CDC42SE2: variants seen among roughly 807,000 people sequenced by gnomAD.
CDC42SE2 encodes CDC42 small effector protein 2.
Under a neutral mutation model 11.5 loss-of-function variants are expected in CDC42SE2, and 3 were observed. The ratio of observed to expected loss-of-function variants is 0.26; its 90% confidence interval spans 0.12 to 0.67. The LOEUF (loss-of-function observed/expected upper bound fraction) is 0.67, where lower values mean the gene tolerates loss of function less well. CDC42SE2 is among the 30% of genes least tolerant of loss of function. The pLI is 0.80. For missense variants in CDC42SE2, 82 were observed against 106.8 expected (o/e 0.77, Z 1.02); for synonymous variants, 33 against 34.8 (o/e 0.95, Z 0.18).
chr5:131,331,408 C>T (rs535310282), intron 2 of CDC42SE2, among the ~76,000 whole-genome samples: 2 of 151,974 alleles, frequency 1.3e-5, no homozygotes, highest in African/African-American at 4.8e-5. Flanking sequence ...CTAACATTTC[C>T]CTATATTCTT....
intron 4 of CDC42SE2, 149 bp from the exon 5 acceptor site, chr5:131,390,844 A>ATTGT (rs1017629347): frequency 3.1e-5 from 13 of 423,994 alleles, no homozygotes; most frequent in East Asian, 1.6e-4. Context: ...TAACTAGAAA[A>ATTGT]TTGTTTGTCT....
chr5:131,390,911 TTCTGGGAA>T, intron 4 of CDC42SE2, 74 bp from the exon 5 acceptor site: 1 of 523,454 alleles, frequency 1.9e-6, no homozygotes, highest in Non-Finnish European at 2.7e-6. Flanking sequence ...CCAAATAAAA[TTCTGGGAA>T]AAGAATTACT....
At chr5:131,381,988 T>TCAGCC (rs1180995287) in intron 3 of CDC42SE2, among the ~76,000 whole-genome samples, 1 of 152,202 alleles carries the variant, frequency 6.6e-6, no homozygotes, top group African/African-American at 2.4e-5. Context: ...CTGAGTTCCC[T>TCAGCC]CAGCCTTGGG....
chr5:131,240,762 G>A (rs1756534002), upstream of CDC42SE2, among the ~76,000 whole-genome samples: 1 of 152,134 alleles, frequency 6.6e-6, no homozygotes, highest in African/African-American at 2.4e-5. Context: ...CCAAAGCTTA[G>A]TTCTGGAAAA....
At chr5:131,363,398 C>T (rs769000468) in intron 3 of CDC42SE2, among the ~76,000 whole-genome samples, 4 of 151,998 alleles carry the variant, frequency 2.6e-5, no homozygotes, top group Admixed American at 6.6e-5. Context: ...TGTTTTGAGA[C>T]GGAGTTTTGC....
chr5:131,338,422 A>T (rs1449466515), intron 2 of CDC42SE2, among the ~76,000 whole-genome samples: 2 of 152,210 alleles, frequency 1.3e-5, no homozygotes, highest in African/African-American at 4.8e-5. Flanking sequence ...ATGGGAATCT[A>T]GGCGGCTAGT....
At chr5:131,307,636 T>A (rs572489037) in intron 1 of CDC42SE2, among the ~76,000 whole-genome samples, 2 of 152,088 alleles carry the variant, frequency 1.3e-5, no homozygotes, top group African/African-American at 2.4e-5. Context: ...CCTGAGGAAT[T>A]GCCACACTGA....
chr5:131,246,130 G>A (rs966245968), intron 1 of CDC42SE2, among the ~76,000 whole-genome samples: 5 of 152,234 alleles, frequency 3.3e-5, no homozygotes, highest in African/African-American at 1.2e-4. Context: ...GGTTCCTTGA[G>A]GATATTATTT....
chr5:131,363,560 A>G (rs1749771660), intron 3 of CDC42SE2, among the ~76,000 whole-genome samples: 1 of 151,752 alleles, frequency 6.6e-6, no homozygotes, highest in South Asian at 2.1e-4. Flanking sequence ...TAGTTTCAGT[A>G]GAGATGGGGT....
intron 1 of CDC42SE2, among the ~76,000 whole-genome samples, chr5:131,313,470 A>T (rs572307857): frequency 6.6e-6 from 1 of 152,278 alleles, no homozygotes; most frequent in South Asian, 2.1e-4. Context: ...CAAAGATTTT[A>T]TGGAAGTTTT....
At chr5:131,349,479 T>TA (rs968928299) in intron 2 of CDC42SE2, among the ~76,000 whole-genome samples, 2 of 152,216 alleles carry the variant, frequency 1.3e-5, no homozygotes, top group African/African-American at 4.8e-5. Flanking sequence ...CACTAGTACT[T>TA]AAAGTATAAT....
chr5:131,216,518 AAAAAC>A, the CDC42SE2 span, among the ~76,000 whole-genome samples: 1 of 146,008 alleles, frequency 6.8e-6, no homozygotes, highest in African/African-American at 2.7e-5. Context: ...AAAAAAAAAA[AAAAAC>A]ATTATAGACT....
rs116072990 is a variant in CDC42SE2, at chr5:131,391,946, C to G, written c.*855C>G. The G allele has an allele frequency of 6.6e-6, 1 of 152,214 alleles. No homozygotes were observed. The highest frequency in any genetic ancestry group is 2.4e-5 in the African/African-American group (1 of 41,386). The allele number at this position is 152,214 out of a possible 1,614,324, so 9.4% of individuals were successfully genotyped here. On this transcript the variant is annotated 3_prime_UTR_variant, in exon 5 of 5. Coordinates refer to ENST00000505065, the MANE Select transcript of CDC42SE2 (RefSeq NM_001375635.1). ...TGTGATGGCACCTTGTCCACCCTGT[C>G]GTGATTATTCCAGTGAGATGTTACT...
chr5:131,388,270 C>T (rs1561439262), intron 4 of CDC42SE2, among the ~76,000 whole-genome samples: 1 of 152,218 alleles, frequency 6.6e-6, no homozygotes. Context: ...GTTGGGATTA[C>T]AGCCATGAGC....
Position 131,299,833 on chromosome 5 carries a change from G to A in CDC42SE2, c.-454-16143G>A, listed in dbSNP as rs952168738. On this transcript the variant is annotated intron_variant, in intron 1 of 4. Coordinates refer to ENST00000505065, the MANE Select transcript of CDC42SE2 (RefSeq NM_001375635.1). ...GACAAAACCCTTAAGAACTATTAAT[G>A]TAATGTTAGTTTTTGAGCCTTTGGT... Among the ~76,000 whole-genome samples the A allele has an allele frequency of 4.6e-5, 7 of 152,276 alleles. No individual in the cohort carries two copies. In the East Asian group the frequency reaches 9.7e-4, roughly 21 times the overall value.
the CDC42SE2 span, among the ~76,000 whole-genome samples, chr5:131,220,207 TTTTG>T: frequency 5.9e-5 from 9 of 152,172 alleles, no homozygotes; most frequent in South Asian, 2.1e-4. Flanking sequence ...TATCTCAGAT[TTTTG>T]TTTGTTTGTT....
chr5:131,222,579 A>G, the CDC42SE2 span, among the ~76,000 whole-genome samples: 2 of 152,238 alleles, frequency 1.3e-5, no homozygotes, highest in Non-Finnish European at 2.9e-5. Flanking sequence ...CATAAAATGA[A>G]TGGAGGTGGA....
chr5:131,322,102 G>T (rs890079829), intron 2 of CDC42SE2, among the ~76,000 whole-genome samples: 1 of 151,620 alleles, frequency 6.6e-6, no homozygotes, highest in African/African-American at 2.4e-5. Flanking sequence ...CACCTGCCTC[G>T]GGCTCCCAAA....
chr5:131,322,408 A>G (rs1382431473), intron 2 of CDC42SE2, among the ~76,000 whole-genome samples: 1 of 152,212 alleles, frequency 6.6e-6, no homozygotes, highest in East Asian at 1.9e-4. Context: ...TGTAAATGGA[A>G]TCATACAGTA....
Sources: gnomAD v4.1 joint callset for allele counts (sites outside exome capture counted in the v4.1 genomes callset) on GRCh38, gnomAD v4.1.1 for gene constraint, MANE v1.5 for transcripts, NCBI Gene and HGNC (gene_info 2026-07-23, HGNC 2026-07-21) for gene names.